Variants in THSD4 observed in about 807,000 individuals in gnomAD.
THSD4 encodes thrombospondin type 1 domain containing 4.
A neutral mutation model predicts 119.0 loss-of-function variants in THSD4; 69 were observed. The ratio of observed to expected loss-of-function variants is 0.58; its 90% CI spans 0.48 to 0.71. THSD4 has a LOEUF of 0.71. Among genes scored for constraint, THSD4 ranks in the 30% least tolerant of loss-of-function variants. The probability of loss-of-function intolerance (pLI) is 0.00; values close to 1 mark genes in which losing one functional copy is unlikely to be tolerated. For missense variants in THSD4, 1,393 were observed against 1,391.1 expected (o/e 1.00, Z -0.02); for synonymous variants, 524 against 540.4 (o/e 0.97, Z 0.42).
intron 1 of THSD4, among the ~76,000 whole-genome samples, chr15:71,125,108 A>G (rs193108968): frequency 1.3e-5 from 2 of 152,082 alleles, no homozygotes; most frequent in Non-Finnish European, 2.9e-5. Flanking sequence ...GTGAAGAGGA[A>G]GGGGAAAGGG....
rs1427275138 is a variant in THSD4, at chr15:71,215,030, C to T, written c.100-5C>T. On this transcript the variant is annotated splice_polypyrimidine_tract_variant and splice_region_variant and intron_variant, in intron 3 of 17. Transcript: ENST00000261862. ...TGGTCCCCTAACCTGCCTCTGTCTC[C>T]GCAGGTCCCGCAGCGGATGGCGGCG... The T allele has an allele frequency of 3.9e-6, 5 of 1,266,742 alleles. No homozygotes were observed. The highest frequency in any genetic ancestry group is 5.0e-6 in the Non-Finnish European group (5 of 1,000,544). 78.5% of individuals were successfully genotyped at this position (1,266,742 alleles called of 1,614,324 possible). A position where few individuals can be genotyped will look rare whatever the true frequency, so the allele number is the denominator to read the frequency against.
At chr15:71,332,891 C>CGTTTTTTTTTTTTTTTTTTTTT (rs1184457820) in intron 6 of THSD4, among the ~76,000 whole-genome samples, 1 of 38,034 alleles carries the variant, frequency 2.6e-5, no homozygotes, top group African/African-American at 7.4e-5. Flanking sequence ...GATTTTTTTA[C>CGTTTTTTTTTTTTTTTTTTTTT]ATTTTTTTTT....
chr15:71,290,785 G>T (rs1260281722), intron 6 of THSD4, among the ~76,000 whole-genome samples: 2 of 151,662 alleles, frequency 1.3e-5, no homozygotes, highest in African/African-American at 4.8e-5. Context: ...TGGCTAATAG[G>T]TTTGTCCCTA....
intron 7 of THSD4, among the ~76,000 whole-genome samples, chr15:71,532,283 A>AGAGAGAGAGAGAGAGAGAGT (rs1379506089): frequency 1.1e-3 from 112 of 101,634 alleles, no homozygotes; most frequent in South Asian, 1.6e-3. Context: ...AGAGAGAGAG[A>AGAGAGAGAGAGAGAGAGAGT]GTGTGTGTGT....
At chr15:71,633,642 G>A (rs1489089390) in intron 7 of THSD4, among the ~76,000 whole-genome samples, 2 of 152,166 alleles carry the variant, frequency 1.3e-5, no homozygotes, top group African/African-American at 2.4e-5. Flanking sequence ...ATGGATATTT[G>A]TATAAATTAT....
At chr15:71,285,169 C>G (rs1567181442) in intron 6 of THSD4, among the ~76,000 whole-genome samples, 1 of 152,138 alleles carries the variant, frequency 6.6e-6, no homozygotes, top group Non-Finnish European at 1.5e-5. Context: ...AATATTACTC[C>G]ATTAAATAAT....
chr15:71,174,461 T>C (rs921748072), intron 3 of THSD4, among the ~76,000 whole-genome samples: 9 of 141,418 alleles, frequency 6.4e-5, no homozygotes, highest in Admixed American at 4.3e-4. Flanking sequence ...CGAGACTATA[T>C]CCCACACCTG....
chr15:71,497,367 G>T (rs1344820632), intron 7 of THSD4, among the ~76,000 whole-genome samples: 2 of 152,054 alleles, frequency 1.3e-5, no homozygotes, highest in Admixed American at 6.6e-5. Flanking sequence ...ACAAAAATTA[G>T]TTGGGTGTGA....
At chr15:71,648,449 T>C (rs1332993707) in intron 7 of THSD4, among the ~76,000 whole-genome samples, 2 of 152,188 alleles carry the variant, frequency 1.3e-5, no homozygotes, top group Non-Finnish European at 2.9e-5. Flanking sequence ...ATAATCCCTT[T>C]CCAGTTTTTT....
At chr15:71,597,167 T>C (rs2049920575) in intron 7 of THSD4, among the ~76,000 whole-genome samples, 1 of 152,252 alleles carries the variant, frequency 6.6e-6, no homozygotes, top group Non-Finnish European at 1.5e-5. Flanking sequence ...TTCTAAATTA[T>C]AGCATTAAAT....
chr15:71,175,035 G>GA (rs1427871678), intron 3 of THSD4, among the ~76,000 whole-genome samples: 2 of 140,480 alleles, frequency 1.4e-5, no homozygotes, highest in African/African-American at 5.2e-5. Flanking sequence ...CAAAGATGGG[G>GA]AAAAAACAGA....
At chr15:71,651,792 T>A (rs2051095111) in intron 7 of THSD4, among the ~76,000 whole-genome samples, 1 of 152,194 alleles carries the variant, frequency 6.6e-6, no homozygotes, top group African/African-American at 2.4e-5. Flanking sequence ...CAACAGTCAT[T>A]GTTTTTGTTA....
intron 6 of THSD4, among the ~76,000 whole-genome samples, chr15:71,304,746 A>G (rs1425050093): frequency 2.0e-5 from 3 of 152,212 alleles, no homozygotes; most frequent in African/African-American, 7.2e-5. Flanking sequence ...GATTCCTTCC[A>G]ACAAAAAGTA....
intron 6 of THSD4, among the ~76,000 whole-genome samples, chr15:71,273,899 T>A (rs1487333731): frequency 6.6e-6 from 1 of 152,072 alleles, no homozygotes; most frequent in African/African-American, 2.4e-5. Flanking sequence ...TGTGGAGAAG[T>A]AGGCTTGGTA....
intron 6 of THSD4, among the ~76,000 whole-genome samples, chr15:71,287,411 A>G (rs1347979553): frequency 6.6e-6 from 1 of 152,192 alleles, no homozygotes; most frequent in Non-Finnish European, 1.5e-5. Flanking sequence ...ACTTTTACCC[A>G]TTGCTATATC....
intron 7 of THSD4, among the ~76,000 whole-genome samples, chr15:71,623,660 C>T (rs752396392): frequency 1.7e-4 from 26 of 152,158 alleles, no homozygotes; most frequent in Non-Finnish European, 2.6e-4. Context: ...CAGTGGCTCA[C>T]GCCTGTAATC....
At chr15:71,586,583 AT>A (rs2049675120) in intron 7 of THSD4, among the ~76,000 whole-genome samples, 1 of 152,162 alleles carries the variant, frequency 6.6e-6, no homozygotes, top group Non-Finnish European at 1.5e-5. Context: ...CAGAAACAGC[AT>A]GCTAAATCCT....
At chr15:71,294,085 T>G (rs2044829266) in intron 6 of THSD4, among the ~76,000 whole-genome samples, 1 of 152,214 alleles carries the variant, frequency 6.6e-6, no homozygotes, top group African/African-American at 2.4e-5. Context: ...CCTTCTGTTC[T>G]CATTTATCTT....
At chr15:71,360,221 G>A (rs909395636) in intron 6 of THSD4, among the ~76,000 whole-genome samples, 2 of 152,116 alleles carry the variant, frequency 1.3e-5, no homozygotes, top group African/African-American at 2.4e-5. Flanking sequence ...CAACATGGTG[G>A]TCTTAGAGTA....
Sources: gnomAD v4.1 joint callset for allele counts (sites outside exome capture counted in the v4.1 genomes callset) on GRCh38, gnomAD v4.1.1 for gene constraint, MANE v1.5 for transcripts, NCBI Gene and HGNC (gene_info 2026-07-23, HGNC 2026-07-21) for gene names.